MIPOL1: variants seen among roughly 807,000 people sequenced by gnomAD.
MIPOL1 encodes the protein mirror-image polydactyly gene 1 protein.
MIPOL1 carries 57 observed loss-of-function variants against 60.9 expected under a neutral mutation model. The observed-to-expected ratio is 0.94, with a 90% CI of 0.76 to 1.17. The LOEUF (loss-of-function observed/expected upper bound fraction) is 1.17. Among genes scored for constraint, MIPOL1 ranks in the 50% most tolerant of loss-of-function variants. The probability of loss-of-function intolerance (pLI) is 0.00; values close to 1 mark genes in which losing one functional copy is unlikely to be tolerated. For synonymous variants in MIPOL1, 179 were observed against 168.8 expected, an observed-to-expected ratio of 1.06 and a Z score of -0.47; for missense variants, 551 against 511.6, an observed-to-expected ratio of 1.08 and a Z score of -0.74.
At chr14:37,356,107 G>T (rs1595360608) in intron 9 of MIPOL1, among the ~76,000 whole-genome samples, 1 of 150,414 alleles carries the variant, frequency 6.6e-6, no homozygotes, top group Non-Finnish European at 1.5e-5. Context: ...CTTTCTGTTT[G>T]TTAGTTTTCC....
rs1229592211 is a variant in MIPOL1, at chr14:37,429,973, C to A, written c.1031+7024C>A. Among the ~76,000 whole-genome samples, 4 of 152,222 alleles carry A rather than the reference C, an allele frequency of 2.6e-5. No homozygotes were observed. The South Asian group carries it at 6.2e-4, about 24-fold the overall frequency. ...CCATGAAGCAATATTTTTCTCAATGCAAATCCCTCACCAAGAGTGGGGTTG... is the reference window on the plus strand; with the variant it reads ...CCATGAAGCAATATTTTTCTCAATGAAAATCCCTCACCAAGAGTGGGGTTG... On this transcript the variant is annotated intron_variant, in intron 11 of 12. Coordinates refer to ENST00000684589, the MANE Select transcript of MIPOL1 (RefSeq NM_001388067.1).
chr14:37,430,984 C>G (rs2094053848), intron 11 of MIPOL1, among the ~76,000 whole-genome samples: 1 of 152,134 alleles, frequency 6.6e-6, no homozygotes, highest in Non-Finnish European at 1.5e-5. Context: ...AATTGTTATT[C>G]TACAAAGTGA....
chr14:37,409,977 G>A (rs1336380408), intron 10 of MIPOL1, among the ~76,000 whole-genome samples: 2 of 152,192 alleles, frequency 1.3e-5, no homozygotes, highest in East Asian at 3.9e-4. Flanking sequence ...CATTAGAACT[G>A]AAAATGACTG....
At chr14:37,540,955 T>C (rs2095527278) in intron 12 of MIPOL1, among the ~76,000 whole-genome samples, 1 of 152,202 alleles carries the variant, frequency 6.6e-6, no homozygotes, top group Non-Finnish European at 1.5e-5. Context: ...TCTGATCTCC[T>C]GATCAATGCC....
intron 10 of MIPOL1, among the ~76,000 whole-genome samples, chr14:37,390,427 G>T (rs1335443750): frequency 6.6e-6 from 1 of 151,808 alleles, no homozygotes; most frequent in African/African-American, 2.4e-5. Context: ...AAGAAGATAA[G>T]ACCACAGGCT....
intron 9 of MIPOL1, among the ~76,000 whole-genome samples, chr14:37,332,812 T>C (rs2089823047): frequency 6.6e-6 from 1 of 152,304 alleles, no homozygotes; most frequent in South Asian, 2.1e-4. Context: ...TGGAACTTTG[T>C]ATGGTCCCAT....
intron 1 of MIPOL1, among the ~76,000 whole-genome samples, chr14:37,200,904 T>A (rs1391135496): frequency 2.8e-4 from 35 of 125,176 alleles, no homozygotes; most frequent in African/African-American, 9.5e-4. Context: ...GTGTGTATTT[T>A]TTTTTTTTTT....
intron 11 of MIPOL1, among the ~76,000 whole-genome samples, chr14:37,460,538 G>T (rs7145592): frequency 0.23 from 34,707 of 151,942 alleles, 4,499 homozygotes; most frequent in South Asian, 0.36. Context: ...GAAATAGAAG[G>T]CATCCAAATT....
intron 11 of MIPOL1, among the ~76,000 whole-genome samples, chr14:37,429,609 C>G (rs1417246096): frequency 2.0e-5 from 3 of 152,058 alleles, no homozygotes; most frequent in Non-Finnish European, 2.9e-5. Flanking sequence ...ATTAACCCTA[C>G]TTACTGGGTT....
At chr14:37,529,643 G>A (rs187585238) in intron 12 of MIPOL1, among the ~76,000 whole-genome samples, 3 of 152,124 alleles carry the variant, frequency 2.0e-5, no homozygotes, top group East Asian at 1.9e-4. Flanking sequence ...GTAATACGGC[G>A]ACAAGGAAGG....
rs561818046 is a variant in MIPOL1 at position 37,494,531 on chromosome 14, A to C, written c.1032-5377A>C. On this transcript the variant is annotated intron_variant, in intron 11 of 12. Transcript: ENST00000684589. ...TTGAGAATCTGAATGCCTAGCTAAA[A>C]GGTGAGGAAGGAGGTAGAGAGGTCA... Among the ~76,000 whole-genome samples, 204 of 152,300 alleles carry C rather than the reference A, an allele frequency of 1.3e-3. 2 individuals are homozygous for C. Among genetic ancestry groups the C allele is most frequent in the South Asian group, 8.9e-3 (43 of 4,834 alleles).
intron 3 of MIPOL1, among the ~76,000 whole-genome samples, chr14:37,251,254 T>TG (rs879366311): frequency 2.0e-4 from 31 of 151,882 alleles, no homozygotes; most frequent in Non-Finnish European, 3.4e-4. Context: ...TTGTAGGGGT[T>TG]GGGGGGTCTC....
At chr14:37,451,960 G>A (rs1399295778) in intron 11 of MIPOL1, among the ~76,000 whole-genome samples, 1 of 150,432 alleles carries the variant, frequency 6.6e-6, no homozygotes, top group African/African-American at 2.5e-5. Context: ...GACTACAGGC[G>A]CCCGCCATCA....
intron 9 of MIPOL1, among the ~76,000 whole-genome samples, chr14:37,337,762 T>C (rs1454472651): frequency 1.3e-5 from 2 of 152,162 alleles, no homozygotes; most frequent in African/African-American, 4.8e-5. Flanking sequence ...TAAGAGTTCT[T>C]TATATATTCT....
At chr14:37,207,015 A>C (rs1966198697) in intron 1 of MIPOL1, among the ~76,000 whole-genome samples, 2 of 152,290 alleles carry the variant, frequency 1.3e-5, no homozygotes, top group South Asian at 4.1e-4. Flanking sequence ...GAAATGAGTT[A>C]AGACTTTGGG....
chr14:37,334,969 G>A (rs2415399), intron 9 of MIPOL1, among the ~76,000 whole-genome samples: 150,389 of 152,194 alleles, frequency 0.99, 74,327 homozygotes, highest in Middle Eastern at 1. Flanking sequence ...TTAGGCTGCT[G>A]TGAACATTAA....
intron 11 of MIPOL1, among the ~76,000 whole-genome samples, chr14:37,431,893 A>G (rs1448108729): frequency 1.3e-5 from 2 of 151,828 alleles, no homozygotes; most frequent in Non-Finnish European, 2.9e-5. Context: ...CCCTGTTTCT[A>G]GTTTAGTATT....
intron 3 of MIPOL1, among the ~76,000 whole-genome samples, chr14:37,250,312 C>T (rs889211554): frequency 6.6e-6 from 1 of 152,058 alleles, no homozygotes; most frequent in Admixed American, 6.6e-5. Flanking sequence ...CTTTGAGAGG[C>T]GAAGGCAGGT....
chr14:37,416,390 G>A (rs1180696513), intron 10 of MIPOL1, among the ~76,000 whole-genome samples: 4 of 152,006 alleles, frequency 2.6e-5, no homozygotes, highest in Admixed American at 6.6e-5. Context: ...CATTGTATGG[G>A]CATAATAGAG....
Sources: allele counts gnomAD v4.1 joint callset (sites outside exome capture counted in the v4.1 genomes callset), GRCh38; gene constraint gnomAD v4.1.1; transcripts MANE v1.5; gene names NCBI Gene and HGNC (gene_info 2026-07-23, HGNC 2026-07-21).